The following PCDHGA9 variants were observed in gnomAD, a reference collection of about 807,000 sequenced individuals.
PCDHGA9 encodes protocadherin gamma-A9.
Under a neutral mutation model 62.5 loss-of-function variants are expected in PCDHGA9, and 37 were observed. That is an observed-to-expected ratio of 0.59 (90% CI 0.46 to 0.78). The LOEUF (loss-of-function observed/expected upper bound fraction) is 0.78, where lower values mean the gene tolerates loss of function less well. Ranked by LOEUF, PCDHGA9 falls within the 30% of genes least tolerant of loss-of-function variation. The pLI, the probability that PCDHGA9 is intolerant of heterozygous loss-of-function variation, is 0.00. For missense variants in PCDHGA9, 1,138 were observed against 1,166.2 expected, an observed-to-expected ratio of 0.98 and a Z score of 0.35; for synonymous variants, 459 against 484.6, an observed-to-expected ratio of 0.95 and a Z score of 0.69.
rs745638360 is a variant in PCDHGA9, at chr5:141,410,529, A to G, written c.2424+5153A>G. Reference sequence around the variant, plus strand: ...AAATGCAGTGTGCCCCTACATTCCAATGAAGACATGGTTTGCAGTGTTTCT... The same window carrying G: ...AAATGCAGTGTGCCCCTACATTCCAGTGAAGACATGGTTTGCAGTGTTTCT... On this transcript the variant is annotated intron_variant, in intron 1 of 3. Transcript: ENST00000573521. The G allele has an allele frequency of 3.1e-6, 5 of 1,613,804 alleles. No individual in the cohort carries two copies. The Admixed American group carries it at 5.0e-5, about 16-fold the overall frequency.
At chr5:141,459,199 A>G (rs930769883) in intron 1 of PCDHGA9, among the ~76,000 whole-genome samples, 6 of 152,200 alleles carry the variant, frequency 3.9e-5, no homozygotes, top group African/African-American at 1.4e-4. Flanking sequence ...TTTGCAATCA[A>G]TTCACTACTT....
At chr5:141,497,820 G>A (rs1595489288) in intron 2 of PCDHGA9, among the ~76,000 whole-genome samples, 1 of 152,226 alleles carries the variant, frequency 6.6e-6, no homozygotes, top group Admixed American at 6.5e-5. Flanking sequence ...AATTACAGGT[G>A]TGATCGCCCC....
intron 1 of PCDHGA9, chr5:141,410,121 A>G (rs1239244343): frequency 1.9e-6 from 3 of 1,612,642 alleles, no homozygotes; most frequent in Non-Finnish European, 2.5e-6. Flanking sequence ...GCAGCCCGCC[A>G]GCGCCTGCTG....
intron 2 of PCDHGA9, among the ~76,000 whole-genome samples, chr5:141,502,431 G>A (rs998074347): frequency 1.3e-5 from 2 of 151,948 alleles, no homozygotes; most frequent in African/African-American, 4.8e-5. Context: ...TTCTCTGATG[G>A]TTAGATTCAG....
chr5:141,423,058 A>G (rs1235938743), intron 1 of PCDHGA9: 3 of 1,614,022 alleles, frequency 1.9e-6, no homozygotes, highest in African/African-American at 2.7e-5. Flanking sequence ...TCGCCTGCTT[A>G]AGGCCAGCGA....
intron 1 of PCDHGA9, chr5:141,416,112 T>C (rs555358881): frequency 6.4e-6 from 1 of 156,492 alleles, no homozygotes; most frequent in Non-Finnish European, 1.4e-5. Context: ...TTTTTCAAAC[T>C]ACATTTTATA....
chr5:141,444,008 A>G (rs2098413646), intron 1 of PCDHGA9, among the ~76,000 whole-genome samples: 2 of 152,140 alleles, frequency 1.3e-5, no homozygotes, highest in Non-Finnish European at 2.9e-5. Context: ...CTACCTGGGT[A>G]TTGGCTTCTA....
Position 141,485,859 on chromosome 5 carries a change from G to A in PCDHGA9, c.2425-8948G>A, listed in dbSNP as rs1272239385. ...CCGAGATCTGGCACCGCAGAGCTCC[G>A]GGTATCCGTGCTGGACGTAAACGAC... On this transcript the variant is annotated intron_variant, in intron 1 of 3. Transcript: ENST00000573521. This position sits in a 1 kb window ranked among gnomAD's most constrained non-coding sequence, Gnocchi z 5.7. 3.7e-6 allele frequency: 6 copies of A among 1,614,046 alleles called. No homozygotes were observed. Among genetic ancestry groups the A allele is most frequent in the Admixed American group, 3.3e-5 (2 of 60,000 alleles).
chr5:141,423,184 C>A (rs747938944), intron 1 of PCDHGA9: 1 of 1,613,442 alleles, frequency 6.2e-7, no homozygotes, highest in South Asian at 1.1e-5. Flanking sequence ...CCACGGCCAG[C>A]CCCCTCTCTC....
chr5:141,430,938 C>A, intron 1 of PCDHGA9: 1 of 1,607,082 alleles, frequency 6.2e-7, no homozygotes, highest in Non-Finnish European at 8.5e-7. Context: ...CGGGAGCTCG[C>A]GGAGCGCGGA....
At chr5:141,473,801 T>C (rs1593456345) in intron 1 of PCDHGA9, among the ~76,000 whole-genome samples, 1 of 152,226 alleles carries the variant, frequency 6.6e-6, no homozygotes, top group East Asian at 1.9e-4. Flanking sequence ...ATGATGCTAC[T>C]GAGGAGCAGC....
At position 141,432,993 on chromosome 5, in the gene PCDHGA9, G is replaced by C. The variant is rs749499789; in HGVS notation, c.2424+27617G>C. 7 of 1,614,208 alleles carry C rather than the reference G, an allele frequency of 4.3e-6. No homozygotes were observed. In the South Asian group the frequency reaches 7.7e-5, roughly 18 times the overall value. On this transcript the variant is annotated intron_variant, in intron 1 of 3. Transcript: ENST00000573521. This position sits in a 1 kb window ranked among gnomAD's most constrained non-coding sequence, Gnocchi z 6.0. ...GCGTCGCACTTTGTGGGCGTGGACG[G>C]GGTGCAGGCTTTCCTGCAGACCTAT...
At chr5:141,492,509 C>T (rs1276866000) in intron 1 of PCDHGA9, among the ~76,000 whole-genome samples, 1 of 152,216 alleles carries the variant, frequency 6.6e-6, no homozygotes, top group African/African-American at 2.4e-5. Context: ...CCGGAGCCTC[C>T]TCTCACCTCT....
intron 1 of PCDHGA9, chr5:141,419,383 C>A (rs1354675466): frequency 6.2e-7 from 1 of 1,613,698 alleles, no homozygotes; most frequent in South Asian, 1.1e-5. Context: ...TGTCCGTGAG[C>A]GCGCAGAGCG....
At chr5:141,460,981 GTGTATA>G (rs1450537646) in intron 1 of PCDHGA9, among the ~76,000 whole-genome samples, 10 of 121,882 alleles carry the variant, frequency 8.2e-5, no homozygotes, top group African/African-American at 3.1e-4. Flanking sequence ...GTGTGTGTGT[GTGTATA>G]TATATATATG....
At chr5:141,483,816 A>G (rs2099587505) in intron 1 of PCDHGA9, among the ~76,000 whole-genome samples, 1 of 152,172 alleles carries the variant, frequency 6.6e-6, no homozygotes, top group Admixed American at 6.5e-5. Context: ...TTTGGCAGCC[A>G]GTGTAACCTA....
chr5:141,503,260 C>A (rs2154593294), intron 2 of PCDHGA9, among the ~76,000 whole-genome samples: 1 of 152,178 alleles, frequency 6.6e-6, no homozygotes, highest in African/African-American at 2.4e-5. Flanking sequence ...ACAGCCACAA[C>A]CCCAGCACCT....
At chr5:141,483,501 G>C (rs1022338958) in intron 1 of PCDHGA9, among the ~76,000 whole-genome samples, 2 of 150,394 alleles carry the variant, frequency 1.3e-5, no homozygotes, top group African/African-American at 4.9e-5. Context: ...ATGAGTCAAG[G>C]CTGATCCCCC....
At chr5:141,421,564 G>C in intron 1 of PCDHGA9, 1 of 1,613,982 alleles carries the variant, frequency 6.2e-7, no homozygotes, top group Non-Finnish European at 8.5e-7. Context: ...TCTCGTGGAA[G>C]ACACCTTGAA....
Sources: gnomAD v4.1 joint callset for allele counts (sites outside exome capture counted in the v4.1 genomes callset) on GRCh38, gnomAD v4.1.1 for gene constraint, Gnocchi (gnomAD v3.1) non-coding constraint, MANE v1.5 for transcripts, NCBI Gene and HGNC (gene_info 2026-07-23, HGNC 2026-07-21) for gene names.